ZNF581: variants seen among roughly 807,000 people sequenced by gnomAD.
The protein encoded by ZNF581 is zinc finger protein 581.
ZNF581 carries 1 observed loss-of-function variant against 1.2 expected under a neutral mutation model. The ratio of observed to expected loss-of-function variants is 0.83; its 90% confidence interval spans 0.30 to 3.95. ZNF581 has a LOEUF of 3.95. Ranked by LOEUF, ZNF581 falls within the 30% of genes most tolerant of loss-of-function variation. The probability of loss-of-function intolerance (pLI) is 0.18; values close to 1 mark genes in which losing one functional copy is unlikely to be tolerated. For missense variants in ZNF581, 273 were observed against 274.6 expected (o/e 0.99, Z 0.04); for synonymous variants, 105 against 109.2 (o/e 0.96, Z 0.24).
upstream of ZNF581, chr19:55,640,738 A>C: frequency 1.0e-6 from 1 of 985,436 alleles, no homozygotes; most frequent in Non-Finnish European, 1.2e-6. Flanking sequence ...GCGACGGCCC[A>C]GTGGAAAGAG....
upstream of ZNF581, among the ~76,000 whole-genome samples, chr19:55,638,662 C>G (rs142247235): frequency 7.2e-5 from 11 of 152,056 alleles, no homozygotes; most frequent in African/African-American, 2.4e-4. Flanking sequence ...CACCAAGCCC[C>G]GTCTCCAACA....
At chr19:55,637,202 T>C (rs1399351026), upstream of ZNF581, among the ~76,000 whole-genome samples, 3 of 152,114 alleles carry the variant, frequency 2.0e-5, no homozygotes, top group Non-Finnish European at 4.4e-5. Flanking sequence ...AGGGAATGAT[T>C]CTGTGAGCTT....
At chr19:55,642,230 A>T (rs1376459468), upstream of ZNF581, 5 of 1,198,410 alleles carry the variant, frequency 4.2e-6, no homozygotes, top group Non-Finnish European at 5.2e-6. Flanking sequence ...CTACGTCCTC[A>T]GACCTGACCT....
rs762251759 is a variant in ZNF581 at position 55,644,816 on chromosome 19, G to T, written c.245G>T (p.Gly82Val). ...GAGCCAGGGGCCAGTGGGGCTCCAG[G>T]CCAGAAAAAGTGCTACAGCTGCCCC... The part of the protein sequence containing the change: ...QREPGASGAP[G>V]QKKCYSCPVC... The change falls in exon 2 of 2, where the codon GGC becomes GTC. Residue 82 changes from glycine (G) to valine (V), a missense_variant. Coordinates refer to ENST00000270451, the MANE Select transcript of ZNF581 (RefSeq NM_016535.4). The surrounding 1 kb of genome is among the most constrained non-coding windows in gnomAD (Gnocchi z 4.3). The T allele has an allele frequency of 6.2e-7, 1 of 1,612,470 alleles. No individual in the cohort carries two copies. The highest frequency in any genetic ancestry group is 8.5e-7 in the Non-Finnish European group (1 of 1,178,594).
chr19:55,640,685 C>T (rs1003387430), upstream of ZNF581: 80 of 985,366 alleles, frequency 8.1e-5, no homozygotes, highest in African/African-American at 1.4e-3. Flanking sequence ...AACATCCCTT[C>T]TCCCGCCCTC....
upstream of ZNF581, chr19:55,640,797 C>G: frequency 1.0e-6 from 1 of 985,524 alleles, no homozygotes; most frequent in Non-Finnish European, 1.2e-6. Flanking sequence ...TGCTTAGTCT[C>G]GGTTTATTGG....
chr19:55,642,158 T>G, upstream of ZNF581: 25 of 1,039,718 alleles, frequency 2.4e-5, no homozygotes, highest in East Asian at 1.5e-4. Flanking sequence ...GGTAAACAGA[T>G]TTAGGGATTG....
chr19:55,638,655 C>T (rs2123619592), upstream of ZNF581, among the ~76,000 whole-genome samples: 1 of 152,174 alleles, frequency 6.6e-6, no homozygotes, highest in African/African-American at 2.4e-5. Context: ...TGCCTCCCAC[C>T]AAGCCCCGTC....
chr19:55,644,890 A>G lies in ZNF581; in HGVS notation c.319A>G (p.Ile107Val). 6.2e-7 allele frequency: 1 copy of G among 1,614,012 alleles called. No individual in the cohort carries two copies. The highest frequency in any genetic ancestry group is 8.5e-7 in the Non-Finnish European group (1 of 1,179,902). The stretch of plus-strand genomic sequence containing the variant: ...CATGTCCTACCTTCAGCGACACAGC[A>G]TCACCCACTCGGAGGTAAAGCCCTT... ...EYMSYLQRHSITHSEVKPFEC... is the reference protein window; with the variant it reads ...EYMSYLQRHSVTHSEVKPFEC... Residue 107 changes from isoleucine to valine, a missense_variant, in exon 2 of 2, where the codon ATC becomes GTC. Coordinates refer to ENST00000270451, the MANE Select transcript of ZNF581 (RefSeq NM_016535.4). This position sits in a 1 kb window ranked among gnomAD's most constrained non-coding sequence, Gnocchi z 4.3.
chr19:55,644,921 G>C lies in ZNF581; in HGVS notation c.350G>C (p.Cys117Ser). 1 of 1,613,828 alleles carries C rather than the reference G, an allele frequency of 6.2e-7. No individual in the cohort carries two copies. The highest frequency in any genetic ancestry group is 8.5e-7 in the Non-Finnish European group (1 of 1,179,804). ...CACTCGGAGGTAAAGCCCTTCGAGT[G>C]TGACATCTGTGGGAAGGCATTCAAG... ...ITHSEVKPFE[C>S]DICGKAFKRA... Residue 117 changes from cysteine (C) to serine (S), a missense_variant, in exon 2 of 2, where the codon TGT becomes TCT. Coordinates refer to ENST00000270451, the MANE Select transcript of ZNF581 (RefSeq NM_016535.4). The surrounding 1 kb of genome is among the most constrained non-coding windows in gnomAD (Gnocchi z 4.3).
upstream of ZNF581, chr19:55,640,374 G>A (rs1982378525): frequency 1.0e-6 from 1 of 985,482 alleles, no homozygotes; most frequent in Admixed American, 6.1e-5. Flanking sequence ...CGTGGGCAGT[G>A]CCAGCCTTTC....
At position 55,645,302 on chromosome 19, in the gene ZNF581, A is replaced by G. The variant is rs2123637299; in HGVS notation, c.*137A>G. On this transcript the variant is annotated 3_prime_UTR_variant, in exon 2 of 2. Transcript: ENST00000270451. ...CAGAGCAGCCGCATCTCAAAGGCAG[A>G]GCCCTGCCTGAAGGAGGAATCCGTG... is the stretch of plus-strand genomic sequence containing the variant. The G allele has an allele frequency of 5.7e-6, 4 of 703,274 alleles. No individual in the cohort carries two copies. The highest frequency in any genetic ancestry group is 8.8e-6 in the Non-Finnish European group (4 of 455,972). The allele number at this position is 703,274 out of a possible 1,614,324, so 43.6% of individuals were successfully genotyped here.
At chr19:55,641,211 C>T, upstream of ZNF581, 8 of 983,390 alleles carry the variant, frequency 8.1e-6, no homozygotes, top group Non-Finnish European at 9.7e-6. Flanking sequence ...GAGGGAGGAG[C>T]CTGGCCCTGG....
exon 1 of ZNF581, chr19:55,635,638 A>G: frequency 2.0e-6 from 2 of 985,700 alleles, no homozygotes; most frequent in Non-Finnish European, 2.4e-6. Flanking sequence ...GGACATGAGT[A>G]ATCAGTCACA....
rs1982783075 is a variant in ZNF581, at chr19:55,645,229, C to CG, written c.*64_*65insG. 1 of 1,405,834 alleles carries CG rather than the reference C, an allele frequency of 7.1e-7. No homozygotes were observed. The highest frequency in any genetic ancestry group is 1.4e-5 in the African/African-American group (1 of 69,528). The allele number at this position is 1,405,834 out of a possible 1,614,324, so 87.1% of individuals were successfully genotyped here. On this transcript the variant is annotated 3_prime_UTR_variant, in exon 2 of 2. Transcript: ENST00000270451. ...CAGGGAGCCTGGACTCCTGTCCAGA[C>CG]ACCTGGTGAGAGCCTGAGGCTGGTG...
upstream of ZNF581, among the ~76,000 whole-genome samples, chr19:55,637,636 C>T (rs1051929493): frequency 7.9e-5 from 12 of 152,054 alleles, no homozygotes; most frequent in African/African-American, 2.4e-4. Flanking sequence ...TGGTGGTTTG[C>T]GCTGGGGTGG....
At position 55,644,489 on chromosome 19, in the gene ZNF581, G is replaced by A. The variant is rs1372729465; in HGVS notation, c.-19-64G>A. On this transcript the variant is annotated intron_variant, in intron 1 of 1. Coordinates refer to ENST00000270451, the MANE Select transcript of ZNF581 (RefSeq NM_016535.4). This position sits in a 1 kb window ranked among gnomAD's most constrained non-coding sequence, Gnocchi z 4.3. ...GCCGGGTATAGGGAGGGAAAAGGAT[G>A]GAGCCTGTGGTGCTGAGCTGCCCTC... 9.4e-7 allele frequency: 1 copy of A among 1,060,510 alleles called. No individual in the cohort carries two copies. The highest frequency in any genetic ancestry group is 1.6e-5 in the African/African-American group (1 of 62,190). 65.7% of individuals were successfully genotyped at this position (1,060,510 alleles called of 1,614,324 possible). A position where few individuals can be genotyped will look rare whatever the true frequency, so the allele number is the denominator to read the frequency against.
At chr19:55,642,490 C>A, upstream of ZNF581, 1 of 1,425,684 alleles carries the variant, frequency 7.0e-7, no homozygotes, top group Non-Finnish European at 9.2e-7. Flanking sequence ...CCCTCCGCCG[C>A]TCCCAGCTGC....
upstream of ZNF581, among the ~76,000 whole-genome samples, chr19:55,641,500 G>A (rs1389798598): frequency 6.6e-6 from 1 of 152,188 alleles, no homozygotes; most frequent in Non-Finnish European, 1.5e-5. Context: ...ACAGGGAGAG[G>A]GATGGGGCTC....
Sources: gnomAD v4.1 joint callset for allele counts (sites outside exome capture counted in the v4.1 genomes callset) on GRCh38, gnomAD v4.1.1 for gene constraint, Gnocchi (gnomAD v3.1) non-coding constraint, MANE v1.5 for transcripts, NCBI Gene and HGNC (gene_info 2026-07-23, HGNC 2026-07-21) for gene names.